Variants in SPATA6 observed in about 807,000 individuals in gnomAD.
SPATA6 encodes spermatogenesis-associated protein 6.
SPATA6 carries 56 observed loss-of-function variants against 65.3 expected under a neutral mutation model. That is an observed-to-expected ratio of 0.86 (90% CI 0.69 to 1.07). SPATA6 has a LOEUF of 1.07. Ranked by LOEUF, SPATA6 falls within the 50% of genes least tolerant of loss-of-function variation. SPATA6 has a pLI of 0.00. For synonymous variants in SPATA6, 199 were observed against 213.2 expected (o/e 0.93, Z 0.58); for missense variants, 590 against 594.8 (o/e 0.99, Z 0.08).
At chr1:48,412,004 C>T (rs1411100224) in intron 4 of SPATA6, among the ~76,000 whole-genome samples, 1 of 151,924 alleles carries the variant, frequency 6.6e-6, no homozygotes, top group Non-Finnish European at 1.5e-5. Context: ...GTAGCTGGGA[C>T]TACAGGCATG....
chr1:48,322,318 A>C (rs960595087), intron 11 of SPATA6, among the ~76,000 whole-genome samples: 1 of 152,242 alleles, frequency 6.6e-6, no homozygotes, highest in African/African-American at 2.4e-5. Flanking sequence ...AGCAATAGGG[A>C]AATGATTCCC....
At position 48,451,128 on chromosome 1, in the gene SPATA6, C is replaced by A. The variant is rs1241380980; in HGVS notation, c.238+424G>T. ...AATGTAATGAATGCAATGTAAAGTG[C>A]AAAAGCATATATTTTAAGCTACCAT... On this transcript the variant is annotated intron_variant, in intron 3 of 12. Transcript: ENST00000371847. Among the ~76,000 whole-genome samples, 3 of 152,122 alleles carry A rather than the reference C, an allele frequency of 2.0e-5. No individual in the cohort carries two copies. The East Asian group carries it at 5.8e-4, about 29-fold the overall frequency.
chr1:48,288,842 G>T, the SPATA6 span, among the ~76,000 whole-genome samples: 3 of 152,224 alleles, frequency 2.0e-5, no homozygotes, highest in African/African-American at 7.2e-5. Context: ...AAACAAAGCG[G>T]CCAGGAAGCT....
At chr1:48,400,904 G>C in intron 6 of SPATA6, 1 of 1,046,974 alleles carries the variant, frequency 9.6e-7, no homozygotes. Context: ...ACCCATCTCT[G>C]TGACATCACA....
At chr1:48,439,871 G>C (rs1045151949) in intron 3 of SPATA6, among the ~76,000 whole-genome samples, 5 of 152,022 alleles carry the variant, frequency 3.3e-5, no homozygotes, top group Admixed American at 6.6e-5. Context: ...CTGTCTGATG[G>C]GGAAAAAATG....
chr1:48,419,844 A>T (rs923303775), intron 3 of SPATA6, among the ~76,000 whole-genome samples: 1 of 152,202 alleles, frequency 6.6e-6, no homozygotes, highest in Non-Finnish European at 1.5e-5. Flanking sequence ...GTTTTCCAAG[A>T]AGTAAAAGGA....
intron 8 of SPATA6, among the ~76,000 whole-genome samples, chr1:48,392,312 TTACTAAGCAAAATGTAAAAAGAG>T (rs1343889015): frequency 3.9e-5 from 6 of 152,216 alleles, no homozygotes; most frequent in East Asian, 1.9e-4. Flanking sequence ...ATTTCCTAAA[TTACTAAGCAAAATGTAAAAAGAG>T]GCCAGGATGG....
At chr1:48,315,963 G>C (rs1026508546) in intron 11 of SPATA6, among the ~76,000 whole-genome samples, 3 of 152,072 alleles carry the variant, frequency 2.0e-5, no homozygotes, top group African/African-American at 7.3e-5. Context: ...AAAATACTTC[G>C]AAACCAATTT....
chr1:48,411,833 C>T (rs897524275), intron 4 of SPATA6, among the ~76,000 whole-genome samples: 1 of 151,890 alleles, frequency 6.6e-6, no homozygotes, highest in Non-Finnish European at 1.5e-5. Context: ...TTACCATCTC[C>T]ACATTGGTTT....
At chr1:48,421,590 T>C (rs1300147194) in intron 3 of SPATA6, among the ~76,000 whole-genome samples, 2 of 152,114 alleles carry the variant, frequency 1.3e-5, no homozygotes, top group Admixed American at 6.5e-5. Flanking sequence ...AGACATAATA[T>C]GAAAGTACAG....
intron 8 of SPATA6, among the ~76,000 whole-genome samples, chr1:48,391,532 C>A (rs893080612): frequency 1.3e-5 from 2 of 152,046 alleles, no homozygotes; most frequent in Non-Finnish European, 2.9e-5. Flanking sequence ...ATAAACTTAC[C>A]CTGATTTGCA....
chr1:48,424,023 T>C (rs188662903), intron 3 of SPATA6, among the ~76,000 whole-genome samples: 23 of 152,298 alleles, frequency 1.5e-4, no homozygotes, highest in Non-Finnish European at 2.8e-4. Flanking sequence ...CATTCTTTAT[T>C]TTAAAATATA....
chr1:48,458,195 A>T (rs1252788581), intron 1 of SPATA6, among the ~76,000 whole-genome samples: 1 of 152,160 alleles, frequency 6.6e-6, no homozygotes, highest in Non-Finnish European at 1.5e-5. Context: ...GGAAGAATAG[A>T]CAAAATAGTC....
intron 1 of SPATA6, among the ~76,000 whole-genome samples, chr1:48,462,885 G>C (rs945681036): frequency 6.6e-6 from 1 of 152,156 alleles, no homozygotes; most frequent in Non-Finnish European, 1.5e-5. Flanking sequence ...TGAATCAGCA[G>C]ATTGAGTAAC....
intron 3 of SPATA6, 78 bp from the exon 4 acceptor site, chr1:48,413,229 T>A: frequency 1.5e-6 from 1 of 680,910 alleles, no homozygotes; most frequent in Non-Finnish European, 2.2e-6. Context: ...TGGGAGTGTC[T>A]AAAAGCCAAA....
At chr1:48,275,893 G>A in the SPATA6 span, among the ~76,000 whole-genome samples, 16,413 of 152,154 alleles carry the variant, frequency 0.11, 1,151 homozygotes, top group Non-Finnish European at 0.16. Context: ...GTTTGGAATC[G>A]TTTCAGAGGT....
intron 1 of SPATA6, among the ~76,000 whole-genome samples, chr1:48,470,478 G>C (rs1030364628): frequency 6.6e-6 from 1 of 152,120 alleles, no homozygotes; most frequent in Non-Finnish European, 1.5e-5. Context: ...TGGCAGCTTT[G>C]GGAGGAAAAC....
chr1:48,351,331 T>C (rs1031739330), intron 11 of SPATA6, among the ~76,000 whole-genome samples: 2 of 151,992 alleles, frequency 1.3e-5, no homozygotes, highest in Non-Finnish European at 2.9e-5. Flanking sequence ...TTTATTTTAC[T>C]TGCCTTATTA....
chr1:48,331,731 C>A (rs1289040798), intron 11 of SPATA6, among the ~76,000 whole-genome samples: 1 of 136,838 alleles, frequency 7.3e-6, no homozygotes, highest in African/African-American at 2.4e-5. Context: ...AGAATTCCTG[C>A]AAGATATTTC....
Sources: allele counts gnomAD v4.1 joint callset (sites outside exome capture counted in the v4.1 genomes callset), GRCh38; gene constraint gnomAD v4.1.1; transcripts MANE v1.5; gene names NCBI Gene and HGNC (gene_info 2026-07-23, HGNC 2026-07-21).